The following MTHFD1L variants were observed in gnomAD, a reference collection of about 807,000 sequenced individuals.
MTHFD1L encodes the protein monofunctional C1-tetrahydrofolate synthase, mitochondrial.
A neutral mutation model predicts 119.5 loss-of-function variants in MTHFD1L; 81 were observed. That is an observed-to-expected ratio of 0.68 (90% CI 0.57 to 0.82). The LOEUF (loss-of-function observed/expected upper bound fraction) is 0.82, where lower values mean the gene tolerates loss of function less well. Among genes scored for constraint, MTHFD1L ranks in the 40% least tolerant of loss-of-function variants. The probability of loss-of-function intolerance (pLI) is 0.00; values close to 1 mark genes in which losing one functional copy is unlikely to be tolerated. For missense variants in MTHFD1L, 1,125 were observed against 1,253.4 expected (o/e 0.90, Z 1.55); for synonymous variants, 430 against 475.2 (o/e 0.90, Z 1.24).
At chr6:150,867,004 CCCTTT>C (rs1402948004) in intron 1 of MTHFD1L, among the ~76,000 whole-genome samples, 1 of 152,176 alleles carries the variant, frequency 6.6e-6, no homozygotes, top group Non-Finnish European at 1.5e-5. Context: ...ACATCCTCTT[CCCTTT>C]CCTTCTAGCC....
intron 27 of MTHFD1L, among the ~76,000 whole-genome samples, chr6:151,093,739 C>T (rs1386884552): frequency 2.0e-5 from 3 of 146,936 alleles, no homozygotes; most frequent in South Asian, 4.1e-4. Context: ...ACCCAGAACA[C>T]TCAACTGTGT....
At chr6:151,047,713 G>A (rs115559248) in intron 26 of MTHFD1L, among the ~76,000 whole-genome samples, 4,836 of 152,192 alleles carry the variant, frequency 0.032, 295 homozygotes, top group African/African-American at 0.11. Context: ...GTTACTTACT[G>A]TGCTTCCCTG....
At chr6:150,897,263 C>T (rs1417612348) in intron 7 of MTHFD1L, among the ~76,000 whole-genome samples, 1 of 152,104 alleles carries the variant, frequency 6.6e-6, no homozygotes, top group Non-Finnish European at 1.5e-5. Context: ...ATTAAAACAC[C>T]ATCTATCTCC....
intron 24 of MTHFD1L, among the ~76,000 whole-genome samples, chr6:151,027,157 A>AGCTTT (rs1484583244): frequency 1.3e-5 from 2 of 151,504 alleles, no homozygotes; most frequent in African/African-American, 4.9e-5. Flanking sequence ...GCACTATTCC[A>AGCTTT]GCTTTTTTTT....
chr6:151,099,433 C>T (rs1416332607), intron 27 of MTHFD1L: 8 of 847,404 alleles, frequency 9.4e-6, no homozygotes, highest in Non-Finnish European at 1.2e-5. Context: ...GTGAGGCTGG[C>T]CGTGTCTCTG....
Position 151,013,767 on chromosome 6 carries a change from T to C in MTHFD1L, c.2266-12T>C. The C allele has an allele frequency of 6.2e-7, 1 of 1,609,658 alleles. No individual in the cohort carries two copies. The highest frequency in any genetic ancestry group is 8.5e-7 in the Non-Finnish European group (1 of 1,176,576). ...ATAGGATTATTCTTCATGTTTTCTCTCCTTATTTCAGGTAACGGCTGGTGT... is the reference window on the plus strand; with the variant it reads ...ATAGGATTATTCTTCATGTTTTCTCCCCTTATTTCAGGTAACGGCTGGTGT... On this transcript the variant is annotated splice_polypyrimidine_tract_variant and intron_variant, in intron 21 of 27. Transcript: ENST00000367321.
In MTHFD1L at chr6:150,971,968, G is replaced by A. The variant is rs1248058098; in HGVS notation, c.2035G>A (p.Ala679Thr). ...TLEGTPVFVH[A>T]GPFANIAHGN... is the part of the protein sequence containing the mutation. ...CTAGGGGACACCTGTGTTCGTGCAT[G>A]CGGGCCCTTTTGCTAACATTGCTCA... is the stretch of plus-strand genomic sequence containing the variant. Residue 679 changes from alanine (A) to threonine (T), a missense_variant, in exon 20 of 28, where the codon GCG (alanine) becomes ACG (threonine). Physicochemically the swap from Ala to Thr is moderately conservative, Grantham distance 58. Transcript: ENST00000367321. The A allele has an allele frequency of 1.2e-6, 2 of 1,614,026 alleles. No homozygotes were observed. Among genetic ancestry groups the A allele is most frequent in the African/African-American group, 2.7e-5 (2 of 74,914 alleles).
intron 24 of MTHFD1L, among the ~76,000 whole-genome samples, chr6:151,025,747 T>A (rs142033184): frequency 5.4e-4 from 82 of 152,346 alleles, no homozygotes; most frequent in African/African-American, 1.9e-3. Context: ...GCCCCCGATG[T>A]ATGCCAACGA....
At position 150,866,045 on chromosome 6, in the gene MTHFD1L, G is replaced by C; in HGVS notation, c.223G>C (p.Val75Leu). Residue 75 changes from valine (V) to leucine (L), a missense_variant, in exon 1 of 28, where the codon GTC becomes CTC. This residue lies in a region of MTHFD1L where 1,058 missense variants were observed against 1,151.2 expected (regional missense o/e 0.92). Transcript: ENST00000367321. Reference protein sequence around the residue: ...GRTPAARDSIVREVIQNSKEV... With the variant: ...GRTPAARDSILREVIQNSKEV... ...AACGCCCGCGGCGCGGGACTCCATC[G>C]TCAGGTGAGTGTCGGGTCTGGCCCT... 1 of 1,464,868 alleles carries C rather than the reference G, an allele frequency of 6.8e-7. No individual in the cohort carries two copies. Among genetic ancestry groups the C allele is most frequent in the Admixed American group, 2.5e-5 (1 of 40,108 alleles). 90.7% of individuals were successfully genotyped at this position (1,464,868 alleles called of 1,614,324 possible).
chr6:150,921,970 CA>C (rs1361355433), intron 9 of MTHFD1L, among the ~76,000 whole-genome samples: 1 of 152,220 alleles, frequency 6.6e-6, no homozygotes, highest in Non-Finnish European at 1.5e-5. Flanking sequence ...TCAAACTCTT[CA>C]GTGCGATATT....
At chr6:150,910,957 C>T (rs1786784733) in intron 8 of MTHFD1L, among the ~76,000 whole-genome samples, 1 of 152,188 alleles carries the variant, frequency 6.6e-6, no homozygotes, top group African/African-American at 2.4e-5. Context: ...TATGCCAAAG[C>T]AATTGATATA....
intron 20 of MTHFD1L, among the ~76,000 whole-genome samples, chr6:150,981,667 C>T (rs933052024): frequency 5.3e-5 from 8 of 152,194 alleles, no homozygotes; most frequent in South Asian, 2.1e-4. Flanking sequence ...AGCATGAATT[C>T]ATAAACTAGT....
At chr6:150,937,129 C>T (rs994563881) in intron 12 of MTHFD1L, among the ~76,000 whole-genome samples, 189 bp downstream of exon 12, 2 of 152,150 alleles carry the variant, frequency 1.3e-5, no homozygotes, top group African/African-American at 2.4e-5. Context: ...CAGTGGGAGC[C>T]GCCAGGGCTT....
At chr6:150,869,749 T>G (rs937501043) in intron 1 of MTHFD1L, among the ~76,000 whole-genome samples, 3 of 151,652 alleles carry the variant, frequency 2.0e-5, no homozygotes, top group Admixed American at 1.3e-4. Context: ...TGGGTGGGGG[T>G]GTGTGTCAGC....
chr6:150,992,891 G>A (rs1779244140), intron 20 of MTHFD1L, among the ~76,000 whole-genome samples: 1 of 152,182 alleles, frequency 6.6e-6, no homozygotes, highest in African/African-American at 2.4e-5. Flanking sequence ...TTTCTCAGTG[G>A]TTTCCCATGT....
chr6:150,997,709 T>G (rs900674099), intron 20 of MTHFD1L, among the ~76,000 whole-genome samples: 1 of 152,172 alleles, frequency 6.6e-6, no homozygotes, highest in African/African-American at 2.4e-5. Context: ...GAGGATCACC[T>G]GAGCCCTGGA....
intron 20 of MTHFD1L, among the ~76,000 whole-genome samples, chr6:151,008,346 A>G (rs528015072): frequency 9.8e-5 from 15 of 152,368 alleles, no homozygotes; most frequent in African/African-American, 3.6e-4. Context: ...CCGTCAGCAT[A>G]TAAGTATGTA....
At chr6:150,897,681 G>T (rs1784464256) in intron 7 of MTHFD1L, among the ~76,000 whole-genome samples, 1 of 152,188 alleles carries the variant, frequency 6.6e-6, no homozygotes, top group South Asian at 2.1e-4. Flanking sequence ...TGGAAGAAGG[G>T]CTGCAGGCCT....
At chr6:150,884,479 T>A (rs1191349549) in intron 5 of MTHFD1L, among the ~76,000 whole-genome samples, 3 of 151,972 alleles carry the variant, frequency 2.0e-5, no homozygotes, top group South Asian at 2.1e-4. Context: ...AACATTTTTT[T>A]AAAAAACGAC....
Sources: gnomAD v4.1 joint callset for allele counts (sites outside exome capture counted in the v4.1 genomes callset) on GRCh38, gnomAD v4.1.1 for gene constraint, gnomAD v4.1.1 regional missense constraint, MANE v1.5 for transcripts, NCBI Gene and HGNC (gene_info 2026-07-23, HGNC 2026-07-21) for gene names.